EIF3H: variants seen among roughly 807,000 people sequenced by gnomAD.
EIF3H encodes eukaryotic translation initiation factor 3 subunit H.
Under a neutral mutation model 44.2 loss-of-function variants are expected in EIF3H, and 26 were observed. That is an observed-to-expected ratio of 0.59 (90% CI 0.43 to 0.82). EIF3H has a LOEUF of 0.82. Among genes scored for constraint, EIF3H ranks in the 40% least tolerant of loss-of-function variants. The pLI is 0.00. For synonymous variants in EIF3H, 166 were observed against 151.9 expected (o/e 1.09, Z -0.68); for missense variants, 359 against 432.8 (o/e 0.83, Z 1.51).
chr8:116,677,020 C>A (rs1459677981), intron 2 of EIF3H, among the ~76,000 whole-genome samples: 1 of 151,894 alleles, frequency 6.6e-6, no homozygotes, highest in Non-Finnish European at 1.5e-5. Flanking sequence ...ATAACATACA[C>A]AAATTTATCC....
Position 116,643,978 on chromosome 8 carries a change from T to C in EIF3H, c.*1028A>G, listed in dbSNP as rs1813260494. 6.6e-6 allele frequency: 1 copy of C among 152,238 alleles called. No individual in the cohort carries two copies. Among genetic ancestry groups the C allele is most frequent in the Admixed American group, 6.5e-5 (1 of 15,280 alleles). The allele number at this position is 152,238 out of a possible 1,614,324, so 9.4% of individuals were successfully genotyped here. On this transcript the variant is annotated 3_prime_UTR_variant, in exon 8 of 8. Coordinates refer to ENST00000521861, the MANE Select transcript of EIF3H (RefSeq NM_003756.3). Reference sequence around the variant, plus strand: ...ATTCTCCTAATTCCTAATTCCTCATTCACAACACTTGCTGTTAGCAGAATT... The same window carrying C: ...ATTCTCCTAATTCCTAATTCCTCATCCACAACACTTGCTGTTAGCAGAATT...
At chr8:116,681,666 CAAAAAA>C (rs1176033381) in intron 2 of EIF3H, among the ~76,000 whole-genome samples, 8 of 90,766 alleles carry the variant, frequency 8.8e-5, no homozygotes, top group Non-Finnish European at 1.4e-4. Context: ...AACTCCATCT[CAAAAAA>C]AAAAAAAAAA....
At chr8:116,715,355 T>A (rs13257365) in intron 2 of EIF3H, among the ~76,000 whole-genome samples, 76,281 of 151,754 alleles carry the variant, frequency 0.5, 20,881 homozygotes, top group Non-Finnish European at 0.62. Flanking sequence ...AAAAAACAGA[T>A]AAAAGCTATG....
chr8:116,716,616 T>C (rs948376145), intron 2 of EIF3H, among the ~76,000 whole-genome samples: 1 of 152,064 alleles, frequency 6.6e-6, no homozygotes, highest in Non-Finnish European at 1.5e-5. Context: ...TGAAGTTACA[T>C]AAATCACAGG....
intron 2 of EIF3H, among the ~76,000 whole-genome samples, chr8:116,707,568 A>AAG (rs56343210): frequency 9.2e-5 from 14 of 151,774 alleles, no homozygotes; most frequent in Admixed American, 2.6e-4. Context: ...TGAGATACTT[A>AAG]TTTGATAATA....
At chr8:116,760,516 AAAT>A (rs1199247319), upstream of EIF3H, among the ~76,000 whole-genome samples, 1 of 152,226 alleles carries the variant, frequency 6.6e-6, no homozygotes, top group African/African-American at 2.4e-5. Flanking sequence ...ATGTTTGCTA[AAAT>A]AATAATAATT....
chr8:116,657,412 C>G, intron 3 of EIF3H, 98 bp from the exon 4 acceptor site: 1 of 854,542 alleles, frequency 1.2e-6, no homozygotes, highest in Non-Finnish European at 1.9e-6. Context: ...ATCGCACAAT[C>G]TTTGCAAAAT....
At chr8:116,686,882 T>A (rs1429837097) in intron 2 of EIF3H, among the ~76,000 whole-genome samples, 1 of 152,070 alleles carries the variant, frequency 6.6e-6, no homozygotes, top group East Asian at 1.9e-4. Context: ...TTTAGGGTAA[T>A]CTTCAAACAA....
intron 2 of EIF3H, among the ~76,000 whole-genome samples, chr8:116,718,948 A>G (rs1233684697): frequency 1.3e-5 from 2 of 152,034 alleles, no homozygotes; most frequent in Non-Finnish European, 2.9e-5. Context: ...TAGGTGTTAC[A>G]TTGTATTGAA....
chr8:116,759,733 GCA>G (rs937445116), upstream of EIF3H, among the ~76,000 whole-genome samples: 1 of 151,836 alleles, frequency 6.6e-6, no homozygotes, highest in African/African-American at 2.4e-5. Context: ...GTGTGCGCGC[GCA>G]CACACGCACA....
At chr8:116,752,016 A>G (rs1412144082) in intron 1 of EIF3H, among the ~76,000 whole-genome samples, 3 of 152,146 alleles carry the variant, frequency 2.0e-5, no homozygotes, top group Non-Finnish European at 4.4e-5. Flanking sequence ...AACCTAAACC[A>G]TGAGGCACTC....
intron 2 of EIF3H, among the ~76,000 whole-genome samples, chr8:116,715,101 A>G (rs920709534): frequency 2.6e-5 from 4 of 152,108 alleles, no homozygotes; most frequent in Admixed American, 2.6e-4. Flanking sequence ...CTCCAACCTC[A>G]GTCACACAAA....
chr8:116,677,117 A>G (rs568642189), intron 2 of EIF3H, among the ~76,000 whole-genome samples: 2 of 152,174 alleles, frequency 1.3e-5, no homozygotes, highest in Non-Finnish European at 2.9e-5. Context: ...TACAAATCTC[A>G]ATGAGCTCTG....
upstream of EIF3H, among the ~76,000 whole-genome samples, chr8:116,759,718 T>C (rs574532594): frequency 4.7e-4 from 72 of 152,258 alleles, no homozygotes; most frequent in Non-Finnish European, 9.0e-4. Flanking sequence ...TATGTGTGTG[T>C]GTGCGTGTGC....
chr8:116,652,376 C>T (rs1410653315), intron 5 of EIF3H, among the ~76,000 whole-genome samples: 1 of 152,050 alleles, frequency 6.6e-6, no homozygotes, highest in Non-Finnish European at 1.5e-5. Flanking sequence ...AAAATTCTAT[C>T]GAGAAGTTTG....
chr8:116,724,392 A>C (rs1814799042), intron 2 of EIF3H, among the ~76,000 whole-genome samples: 1 of 152,220 alleles, frequency 6.6e-6, no homozygotes, highest in Admixed American at 6.5e-5. Context: ...TGGATTTGGC[A>C]CTGATATCTT....
chr8:116,658,259 T>A (rs1813525602), intron 3 of EIF3H: 1 of 152,246 alleles, frequency 6.6e-6, no homozygotes, highest in Admixed American at 6.6e-5. Context: ...CTGCCAGATA[T>A]GGCAAACTGT....
In EIF3H at chr8:116,658,850, G is replaced by A. The variant is rs750445774; in HGVS notation, c.420C>T (p.Tyr140=). The A allele has an allele frequency of 1.9e-6, 3 of 1,613,568 alleles. No individual in the cohort carries two copies. Among genetic ancestry groups the A allele is most frequent in the African/African-American group, 1.3e-5 (1 of 74,886 alleles). The part of the protein sequence containing the change: ...TRALLDSQFS[Y]QHAIEESVVL... ...CGACAGATTCTTCAATGGCATGCTG[G>A]TAACTAAACTGAGAGTCCAGGAGTG... The change falls in exon 3 of 8, where the codon TAC becomes TAT. Residue 140 remains tyrosine (Y), a synonymous_variant. Coordinates refer to ENST00000521861, the MANE Select transcript of EIF3H (RefSeq NM_003756.3).
chr8:116,688,513 G>A (rs1814118053), intron 2 of EIF3H, among the ~76,000 whole-genome samples: 2 of 151,680 alleles, frequency 1.3e-5, no homozygotes, highest in African/African-American at 4.9e-5. Flanking sequence ...AAGATATACT[G>A]TCATTACATT....
Sources: gnomAD v4.1 joint callset for allele counts (sites outside exome capture counted in the v4.1 genomes callset) on GRCh38, gnomAD v4.1.1 for gene constraint, MANE v1.5 for transcripts, NCBI Gene and HGNC (gene_info 2026-07-23, HGNC 2026-07-21) for gene names.